The following PIGL variants were observed in gnomAD, a reference collection of about 807,000 sequenced individuals.
PIGL encodes N-acetylglucosaminyl-phosphatidylinositol de-N-acetylase.
In PIGL, 22 loss-of-function variants were observed where a neutral mutation model predicts 31.1. The ratio of observed to expected loss-of-function variants is 0.71; its 90% CI spans 0.51 to 1.01. PIGL has a LOEUF of 1.01. Ranked by LOEUF, PIGL falls within the 50% of genes least tolerant of loss-of-function variation. The probability of loss-of-function intolerance (pLI) is 0.00; values close to 1 mark genes in which losing one functional copy is unlikely to be tolerated. For missense variants in PIGL, 302 were observed against 315.9 expected, an observed-to-expected ratio of 0.96 and a Z score of 0.33; for synonymous variants, 131 against 117.4, an observed-to-expected ratio of 1.12 and a Z score of -0.75.
In PIGL at chr17:16,300,935, C is replaced by T. The variant is rs533585711; in HGVS notation, c.426+957C>T. 2.0e-5 allele frequency among the ~76,000 whole-genome samples: 3 copies of T among 152,282 alleles called. No homozygotes were observed. The East Asian group carries it at 5.8e-4, about 29-fold the overall frequency. On this transcript the variant is annotated intron_variant, in intron 3 of 6. Coordinates refer to ENST00000225609, the MANE Select transcript of PIGL (RefSeq NM_004278.4). ...CCTAGCAACACCAGTCTCAGCTCTT[C>T]TAGGATCAGCAGGACTGCTTAGCCC...
chr17:16,294,381 C>G (rs1013501647), intron 2 of PIGL, among the ~76,000 whole-genome samples: 39 of 152,176 alleles, frequency 2.6e-4, no homozygotes, highest in Non-Finnish European at 5.6e-4. Context: ...GTGAAACTGG[C>G]TATTAACCCT....
At chr17:16,312,026 C>A (rs376858096) in intron 3 of PIGL, among the ~76,000 whole-genome samples, 4 of 151,298 alleles carry the variant, frequency 2.6e-5, no homozygotes, top group East Asian at 3.9e-4. Context: ...ACTTCCCAGA[C>A]GGGGTGGCCG....
chr17:16,268,083 G>C (rs2092853034), intron 2 of PIGL, among the ~76,000 whole-genome samples: 1 of 152,174 alleles, frequency 6.6e-6, no homozygotes, highest in Non-Finnish European at 1.5e-5. Context: ...GAAGTTCAGA[G>C]AAAGATCTCA....
At chr17:16,285,480 G>A (rs1347026016) in intron 2 of PIGL, among the ~76,000 whole-genome samples, 1 of 152,114 alleles carries the variant, frequency 6.6e-6, no homozygotes, top group Admixed American at 6.6e-5. Context: ...AGCTACTGGG[G>A]ATGCTGAAGC....
intron 2 of PIGL, among the ~76,000 whole-genome samples, chr17:16,253,462 G>A (rs2092781260): frequency 6.6e-6 from 1 of 152,184 alleles, no homozygotes; most frequent in South Asian, 2.1e-4. Flanking sequence ...AACCTACAAT[G>A]TATACTTACA....
intron 2 of PIGL, among the ~76,000 whole-genome samples, chr17:16,273,539 C>T (rs963715768): frequency 3.3e-5 from 5 of 152,178 alleles, no homozygotes; most frequent in East Asian, 1.9e-4. Context: ...GGGAAGGGGG[C>T]TCCAGACTTG....
At chr17:16,325,440 G>A (rs772456286) in intron 6 of PIGL, among the ~76,000 whole-genome samples, 4 of 151,410 alleles carry the variant, frequency 2.6e-5, no homozygotes, top group East Asian at 1.9e-4. Context: ...TGAGACTGAC[G>A]AGTTTCCTCA....
intron 3 of PIGL, among the ~76,000 whole-genome samples, chr17:16,302,804 T>G (rs1600844503): frequency 6.6e-6 from 1 of 152,004 alleles, no homozygotes; most frequent in South Asian, 2.1e-4. Context: ...TTCACCATGT[T>G]GCCAGGATGG....
chr17:16,324,011 C>T (rs867291514), intron 6 of PIGL, among the ~76,000 whole-genome samples: 3 of 150,518 alleles, frequency 2.0e-5, no homozygotes, highest in Non-Finnish European at 4.4e-5. Context: ...GGCTGGAGTG[C>T]GATGATGCGA....
chr17:16,248,121 C>A (rs922870150), intron 2 of PIGL, among the ~76,000 whole-genome samples: 2 of 152,122 alleles, frequency 1.3e-5, no homozygotes, highest in Admixed American at 1.3e-4. Flanking sequence ...CTCCTGACCT[C>A]GTGATCCACC....
At chr17:16,240,939 A>G (rs992695185) in intron 2 of PIGL, among the ~76,000 whole-genome samples, 3 of 151,336 alleles carry the variant, frequency 2.0e-5, no homozygotes, top group African/African-American at 4.9e-5. Context: ...ACATGGAGAA[A>G]CCCGGTCTCT....
chr17:16,295,831 C>T (rs913802846), intron 2 of PIGL, among the ~76,000 whole-genome samples: 9 of 152,078 alleles, frequency 5.9e-5, no homozygotes, highest in African/African-American at 1.4e-4. Flanking sequence ...ATCCCAGCTA[C>T]TCGGGAAGCT....
chr17:16,297,520 T>G, intron 2 of PIGL, among the ~76,000 whole-genome samples: 1 of 152,192 alleles, frequency 6.6e-6, no homozygotes, highest in East Asian at 1.9e-4. Context: ...CTTAATACAT[T>G]TATGTGAACC....
chr17:16,254,860 T>G (rs1291700591), intron 2 of PIGL, among the ~76,000 whole-genome samples: 1 of 151,724 alleles, frequency 6.6e-6, no homozygotes, highest in East Asian at 1.9e-4. Context: ...CCTCGGCCTC[T>G]CAAAGTGCTG....
intron 2 of PIGL, among the ~76,000 whole-genome samples, chr17:16,236,680 G>A (rs1210208721): frequency 6.6e-6 from 1 of 152,026 alleles, no homozygotes. Context: ...CGAGTCTCCT[G>A]CCTCAGCCTC....
chr17:16,255,373 G>A (rs537157949), intron 2 of PIGL, among the ~76,000 whole-genome samples: 11 of 152,168 alleles, frequency 7.2e-5, no homozygotes, highest in African/African-American at 1.2e-4. Context: ...TAAAAATCTC[G>A]TTTCTCCCAG....
chr17:16,318,672 C>A (rs750231002), intron 6 of PIGL, among the ~76,000 whole-genome samples: 3 of 151,956 alleles, frequency 2.0e-5, no homozygotes, highest in African/African-American at 4.8e-5. Context: ...GTGGCTCATG[C>A]CTGTAATCAT....
intron 2 of PIGL, among the ~76,000 whole-genome samples, chr17:16,295,355 A>G (rs2092976898): frequency 6.6e-6 from 1 of 151,286 alleles, no homozygotes; most frequent in African/African-American, 2.4e-5. Context: ...GTGAGCTGAG[A>G]TCATGCCACT....
chr17:16,224,463 C>A (rs1198916519), intron 1 of PIGL, among the ~76,000 whole-genome samples: 3 of 150,200 alleles, frequency 2.0e-5, no homozygotes, highest in African/African-American at 7.3e-5. Context: ...TGCACCACCA[C>A]GCCCAGCTAA....
Sources: allele counts gnomAD v4.1 joint callset (sites outside exome capture counted in the v4.1 genomes callset), GRCh38; gene constraint gnomAD v4.1.1; transcripts MANE v1.5; gene names NCBI Gene and HGNC (gene_info 2026-07-23, HGNC 2026-07-21).